The following GRIK1 variants were observed in gnomAD, a reference collection of about 807,000 sequenced individuals.
GRIK1 encodes the protein glutamate ionotropic receptor kainate type subunit 1, also known as glutamate receptor ionotropic, kainate 1.
A neutral mutation model predicts 105.7 loss-of-function variants in GRIK1; 69 were observed. The observed-to-expected ratio is 0.65, with a 90% CI of 0.54 to 0.80. The LOEUF is 0.80. Among genes scored for constraint, GRIK1 ranks in the 30% least tolerant of loss-of-function variants. GRIK1 has a pLI of 0.00. For synonymous variants in GRIK1, 438 were observed against 431.3 expected (o/e 1.02, Z -0.19); for missense variants, 1,109 against 1,167.3 (o/e 0.95, Z 0.73).
At chr21:29,849,966 C>G (rs1433807539) in intron 1 of GRIK1, among the ~76,000 whole-genome samples, 1 of 152,154 alleles carries the variant, frequency 6.6e-6, no homozygotes, top group African/African-American at 2.4e-5. Flanking sequence ...CTCTCTCTCA[C>G]CCTCTCATAT....
At chr21:29,623,801 G>A (rs1377421535) in intron 7 of GRIK1, among the ~76,000 whole-genome samples, 2 of 152,164 alleles carry the variant, frequency 1.3e-5, no homozygotes, top group African/African-American at 2.4e-5. Flanking sequence ...GAGTCAACAT[G>A]CTATTCACTA....
At chr21:29,695,667 G>C (rs902071557) in intron 1 of GRIK1, among the ~76,000 whole-genome samples, 26 of 152,168 alleles carry the variant, frequency 1.7e-4, no homozygotes, top group African/African-American at 6.0e-4. Context: ...TAGATATGGA[G>C]ATTCACCATA....
chr21:29,757,984 G>A (rs1360505868), intron 1 of GRIK1, among the ~76,000 whole-genome samples: 3 of 152,234 alleles, frequency 2.0e-5, no homozygotes, highest in African/African-American at 7.2e-5. Flanking sequence ...ATCTTAGCTT[G>A]AGATAATAGA....
At position 29,560,365 on chromosome 21, in the gene GRIK1, C is replaced by CT. The variant is rs1568813612; in HGVS notation, c.2356+1258dup. ...TTTCTTTCTTTCTTTCTTTTTCTTTCTTCCTTCCTTCCTTCCTTCCTTCCT... is the reference window on the plus strand; with the variant it reads ...TTTCTTTCTTTCTTTCTTTTTCTTTCTTTCCTTCCTTCCTTCCTTCCTTCCT... On this transcript the variant is annotated intron_variant, in intron 15 of 17. Coordinates refer to ENST00000327783, the MANE Select transcript of GRIK1 (RefSeq NM_001330994.2). 3.3e-3 allele frequency among the ~76,000 whole-genome samples: 53 copies of CT among 16,152 alleles called. 5 individuals are homozygous for CT. The highest frequency in any genetic ancestry group is 0.011 in the East Asian group (6 of 556). 10.6% of individuals were successfully genotyped at this position (16,152 alleles called of 152,430 possible). A position where few individuals can be genotyped will look rare whatever the true frequency, so the allele number is the denominator to read the frequency against.
At chr21:29,684,064 T>A (rs2146689050) in intron 3 of GRIK1, among the ~76,000 whole-genome samples, 1 of 152,360 alleles carries the variant, frequency 6.6e-6, no homozygotes, top group Non-Finnish European at 1.5e-5. Context: ...TCCCGAATAC[T>A]GTTTGATGCT....
At chr21:29,838,525 G>T (rs990587957) in intron 1 of GRIK1, among the ~76,000 whole-genome samples, 1 of 152,116 alleles carries the variant, frequency 6.6e-6, no homozygotes, top group Non-Finnish European at 1.5e-5. Flanking sequence ...GCTGCTCTCC[G>T]GGAGTTCTGG....
At chr21:29,732,316 C>G (rs2064653189) in intron 1 of GRIK1, among the ~76,000 whole-genome samples, 1 of 152,164 alleles carries the variant, frequency 6.6e-6, no homozygotes, top group Admixed American at 6.6e-5. Flanking sequence ...GAAGGCAACA[C>G]TATTTTTAGT....
chr21:29,779,494 G>GGTGT lies in GRIK1; in HGVS notation c.119-85435_119-85432dup, dbSNP rs3054349. Reference sequence around the variant, plus strand: ...CAATAGCTTTGTTTTGCCCTTTTATGGTGTGTGTGTGTGTGTGTGTGTGTG... The same window carrying GGTGT: ...CAATAGCTTTGTTTTGCCCTTTTATGGTGTGTGTGTGTGTGTGTGTGTGTGTGTG... On this transcript the variant is annotated intron_variant, in intron 1 of 17. Transcript: ENST00000327783. 3.1e-3 allele frequency among the ~76,000 whole-genome samples: 463 copies of GGTGT among 148,112 alleles called. 2 individuals are homozygous for GGTGT. Among genetic ancestry groups the GGTGT allele is most frequent in the African/African-American group, 9.4e-3 (378 of 40,152 alleles).
At chr21:29,898,539 A>T (rs1198011609) in intron 1 of GRIK1, among the ~76,000 whole-genome samples, 1 of 152,204 alleles carries the variant, frequency 6.6e-6, no homozygotes, top group African/African-American at 2.4e-5. Flanking sequence ...AAAGTAGAAG[A>T]TTCCATCTGG....
intron 1 of GRIK1, among the ~76,000 whole-genome samples, chr21:29,718,336 C>T (rs1005241575): frequency 2.6e-5 from 4 of 152,132 alleles, no homozygotes; most frequent in African/African-American, 9.7e-5. Flanking sequence ...AGTATGGTTA[C>T]AAAACACTTG....
chr21:29,606,351 T>G (rs2061616026), intron 7 of GRIK1, among the ~76,000 whole-genome samples: 1 of 152,174 alleles, frequency 6.6e-6, no homozygotes, highest in African/African-American at 2.4e-5. Context: ...CAGGTAAACG[T>G]GTGGTGGTTT....
chr21:29,846,517 G>GAA (rs2068131320), intron 1 of GRIK1, among the ~76,000 whole-genome samples: 1 of 142,278 alleles, frequency 7.0e-6, no homozygotes, highest in African/African-American at 2.5e-5. Context: ...AAGAAAGAAA[G>GAA]AAATGCTTCT....
chr21:29,593,401 A>G (rs1310256312), intron 9 of GRIK1, among the ~76,000 whole-genome samples: 1 of 152,208 alleles, frequency 6.6e-6, no homozygotes, highest in Non-Finnish European at 1.5e-5. Flanking sequence ...CTTTAGACTC[A>G]GGAAAAGTGG....
chr21:29,698,738 A>G (rs1459977654), intron 1 of GRIK1, among the ~76,000 whole-genome samples: 1 of 152,154 alleles, frequency 6.6e-6, no homozygotes, highest in Non-Finnish European at 1.5e-5. Context: ...GTCAAGGTGC[A>G]TGCTTAATAT....
intron 16 of GRIK1, among the ~76,000 whole-genome samples, chr21:29,543,942 TCC>T (rs2090011242): frequency 6.6e-6 from 1 of 152,312 alleles, no homozygotes; most frequent in South Asian, 2.1e-4. Flanking sequence ...AACTCCTTTT[TCC>T]CGTGTTTGCT....
intron 1 of GRIK1, among the ~76,000 whole-genome samples, chr21:29,830,653 A>C (rs458745): frequency 0.35 from 52,709 of 151,912 alleles, 11,184 homozygotes; most frequent in East Asian, 0.67. Context: ...ATTGTGTCCT[A>C]GGAAGTTTTA....
intron 16 of GRIK1, among the ~76,000 whole-genome samples, chr21:29,540,222 C>T (rs751074689): frequency 3.9e-5 from 6 of 152,186 alleles, no homozygotes; most frequent in Non-Finnish European, 8.8e-5. Context: ...ACTCCTCCCC[C>T]AGATTTTAGA....
chr21:29,624,159 A>G (rs2062068849), intron 7 of GRIK1, among the ~76,000 whole-genome samples: 1 of 152,196 alleles, frequency 6.6e-6, no homozygotes, highest in African/African-American at 2.4e-5. Flanking sequence ...ATTGTCCTCT[A>G]AAATATTTGG....
intron 1 of GRIK1, among the ~76,000 whole-genome samples, chr21:29,882,861 A>G (rs1229652901): frequency 6.6e-6 from 1 of 152,082 alleles, no homozygotes. Flanking sequence ...ATCTACCACG[A>G]TCTATACAGA....
Sources: allele counts gnomAD v4.1 joint callset (sites outside exome capture counted in the v4.1 genomes callset), GRCh38; gene constraint gnomAD v4.1.1; transcripts MANE v1.5; gene names NCBI Gene and HGNC (gene_info 2026-07-23, HGNC 2026-07-21).